The following ZNF718 variants were observed in gnomAD, a reference collection of about 807,000 sequenced individuals.
ZNF718 encodes the protein zinc finger protein 718.
ZNF718 carries 3 observed loss-of-function variants against 2.6 expected under a neutral mutation model. That is an observed-to-expected ratio of 1.16 (90% CI 0.53 to 3.01). The LOEUF is 3.01. ZNF718 is among the 30% of genes most tolerant of loss of function. The probability of loss-of-function intolerance (pLI) is 0.03; values close to 1 mark genes in which losing one functional copy is unlikely to be tolerated. For missense variants in ZNF718, 468 were observed against 230.0 expected, an observed-to-expected ratio of 2.03 and a Z score of -6.69; for synonymous variants, 135 against 77.9, an observed-to-expected ratio of 1.73 and a Z score of -3.86.
intron 3 of ZNF718, among the ~76,000 whole-genome samples, chr4:173,051 TAAATA>T (rs1197275187): frequency 9.2e-5 from 14 of 151,720 alleles, no homozygotes; most frequent in South Asian, 2.1e-4. Flanking sequence ...CTTAAAAAAA[TAAATA>T]AAATAAAAAT....
chr4:179,300 G>C (rs1395652613), intron 3 of ZNF718, among the ~76,000 whole-genome samples: 1 of 152,152 alleles, frequency 6.6e-6, no homozygotes, highest in Non-Finnish European at 1.5e-5. Context: ...TTTGGAATCA[G>C]TTTTGACATC....
At chr4:160,167 C>T (rs1350153108) in intron 3 of ZNF718, among the ~76,000 whole-genome samples, 1 of 152,174 alleles carries the variant, frequency 6.6e-6, no homozygotes, top group Non-Finnish European at 1.5e-5. Context: ...AGACAGAAAC[C>T]AGCTTTTGTA....
intron 3 of ZNF718, among the ~76,000 whole-genome samples, chr4:145,593 G>A (rs1013512236): frequency 6.6e-6 from 1 of 152,070 alleles, no homozygotes; most frequent in Non-Finnish European, 1.5e-5. Context: ...CTCCTGAGTA[G>A]CTGGGACTAC....
At chr4:144,298 G>A (rs374172286) in intron 3 of ZNF718, among the ~76,000 whole-genome samples, 12 of 152,230 alleles carry the variant, frequency 7.9e-5, no homozygotes, top group East Asian at 7.7e-4. Flanking sequence ...ACTTTCTAGC[G>A]GTAACAATAT....
chr4:133,815 A>G (rs1298514604), intron 3 of ZNF718, among the ~76,000 whole-genome samples: 2 of 152,218 alleles, frequency 1.3e-5, no homozygotes, highest in Non-Finnish European at 2.9e-5. Flanking sequence ...AAATTGTATA[A>G]TGTGTACAGT....
chr4:177,772 C>A (rs1235950136), intron 3 of ZNF718, among the ~76,000 whole-genome samples: 2 of 152,082 alleles, frequency 1.3e-5, no homozygotes, highest in East Asian at 1.9e-4. Flanking sequence ...CTGATGAGTT[C>A]TTTATCTCAT....
chr4:124,843 C>T (rs1407591560), intron 1 of ZNF718, 170 bp downstream of exon 1: 3 of 826,052 alleles, frequency 3.6e-6, no homozygotes, highest in Admixed American at 2.5e-5. Context: ...GCGGCTCTGG[C>T]CCAGCCTGCA....
rs143897434 is a variant in ZNF718 at position 136,073 on chromosome 4, A to G, written c.226+4568A>G. On this transcript the variant is annotated intron_variant, in intron 3 of 3. Transcript: ENST00000510175. ...GCTTTTGATGGTTGTGTTACCGGAGATTTGGACAGTCATGGATTCTTTCTG... is the reference window on the plus strand; with the variant it reads ...GCTTTTGATGGTTGTGTTACCGGAGGTTTGGACAGTCATGGATTCTTTCTG... 6.2e-3 allele frequency among the ~76,000 whole-genome samples: 937 copies of G among 152,076 alleles called. 11 individuals are homozygous for G. Among genetic ancestry groups the G allele is most frequent in the African/African-American group, 0.021 (883 of 41,460 alleles).
At chr4:143,720 C>T (rs1715915357) in intron 3 of ZNF718, among the ~76,000 whole-genome samples, 1 of 152,090 alleles carries the variant, frequency 6.6e-6, no homozygotes, top group Non-Finnish European at 1.5e-5. Context: ...TTTGCTCTTG[C>T]CTAGAGACCA....
At position 143,135 on chromosome 4, in the gene ZNF718, C is replaced by T. The variant is rs558953231; in HGVS notation, c.226+11630C>T. ...AAAATGATGGTAACTGAGAGTGGCTCTAAGGCCCTAAATTTTGGACACACA... is the reference window on the plus strand; with the variant it reads ...AAAATGATGGTAACTGAGAGTGGCTTTAAGGCCCTAAATTTTGGACACACA... On this transcript the variant is annotated intron_variant, in intron 3 of 3. Coordinates refer to ENST00000510175, the MANE Select transcript of ZNF718 (RefSeq NM_001039127.6). Among the ~76,000 whole-genome samples, 12 of 152,298 alleles carry T rather than the reference C, an allele frequency of 7.9e-5. No individual in the cohort carries two copies. The South Asian group carries it at 2.5e-3, about 32-fold the overall frequency.
intron 3 of ZNF718, among the ~76,000 whole-genome samples, chr4:147,439 G>A (rs532911867): frequency 3.9e-5 from 6 of 152,266 alleles, no homozygotes; most frequent in Non-Finnish European, 7.4e-5. Flanking sequence ...TGATATTGCA[G>A]TTAAGTGCAT....
intron 3 of ZNF718, among the ~76,000 whole-genome samples, chr4:189,591 C>A (rs900325997): frequency 9.2e-5 from 14 of 152,168 alleles, no homozygotes; most frequent in African/African-American, 3.4e-4. Context: ...TATTCTACTT[C>A]TTTTCTAATC....
intron 3 of ZNF718, among the ~76,000 whole-genome samples, chr4:183,134 T>G (rs1353896842): frequency 6.6e-6 from 1 of 152,182 alleles, no homozygotes; most frequent in Non-Finnish European, 1.5e-5. Context: ...TAGTTTTTGG[T>G]TTTACATTTA....
chr4:170,074 C>G (rs965335033), intron 3 of ZNF718, among the ~76,000 whole-genome samples: 16 of 145,820 alleles, frequency 1.1e-4, no homozygotes, highest in African/African-American at 4.0e-4. Context: ...ATTTGCTTGT[C>G]TGTAAAGTAT....
At chr4:153,987 C>T (rs1716454044) in intron 3 of ZNF718, among the ~76,000 whole-genome samples, 1 of 152,172 alleles carries the variant, frequency 6.6e-6, no homozygotes, top group African/African-American at 2.4e-5. Context: ...TGAATTATGG[C>T]TTTCATAATT....
intron 3 of ZNF718, among the ~76,000 whole-genome samples, chr4:147,271 T>C (rs1009872761): frequency 1.3e-5 from 2 of 152,256 alleles, no homozygotes; most frequent in African/African-American, 4.8e-5. Flanking sequence ...GGAGCATTTT[T>C]AGTTTCCTTT....
At chr4:137,247 A>C (rs915040299) in intron 3 of ZNF718, among the ~76,000 whole-genome samples, 1 of 152,202 alleles carries the variant, frequency 6.6e-6, no homozygotes, top group Admixed American at 6.5e-5. Context: ...TTTCTAAAAA[A>C]AAAAATTACC....
intron 3 of ZNF718, among the ~76,000 whole-genome samples, chr4:183,904 T>C (rs1476905067): frequency 6.6e-6 from 1 of 152,180 alleles, no homozygotes; most frequent in Non-Finnish European, 1.5e-5. Context: ...TAAGAAGCTT[T>C]TGGGCTGAGA....
intron 1 of ZNF718, among the ~76,000 whole-genome samples, chr4:126,283 G>A (rs1553808002): frequency 5.3e-5 from 8 of 152,238 alleles, no homozygotes; most frequent in East Asian, 1.9e-4. Context: ...TCTCTTTAGA[G>A]TGAGGGAAGA....
Sources: allele counts gnomAD v4.1 joint callset (sites outside exome capture counted in the v4.1 genomes callset), GRCh38; gene constraint gnomAD v4.1.1; transcripts MANE v1.5; gene names NCBI Gene and HGNC (gene_info 2026-07-23, HGNC 2026-07-21).